Variants in STK3 observed in about 807,000 individuals in gnomAD.
STK3 encodes serine/threonine kinase 3, also known as serine/threonine-protein kinase 3.
STK3 carries 41 observed loss-of-function variants against 58.0 expected under a neutral mutation model. The observed-to-expected ratio is 0.71, with a 90% CI of 0.55 to 0.92. STK3 has a LOEUF of 0.92. Among genes scored for constraint, STK3 ranks in the 40% least tolerant of loss-of-function variants. The pLI, the probability that STK3 is intolerant of heterozygous loss-of-function variation, is 0.00. For missense variants in STK3, 479 were observed against 602.7 expected, an observed-to-expected ratio of 0.79 and a Z score of 2.15; for synonymous variants, 170 against 191.0, an observed-to-expected ratio of 0.89 and a Z score of 0.91.
the STK3 span, among the ~76,000 whole-genome samples, chr8:98,356,189 T>C: frequency 6.6e-6 from 1 of 152,260 alleles, no homozygotes; most frequent in Non-Finnish European, 1.5e-5. Flanking sequence ...ACAGACTTTT[T>C]TTCCTTCCTC....
At chr8:98,488,881 T>A (rs1195036313) in intron 10 of STK3, among the ~76,000 whole-genome samples, 1 of 152,202 alleles carries the variant, frequency 6.6e-6, no homozygotes, top group Non-Finnish European at 1.5e-5. Context: ...TGCAACTACA[T>A]GTAGCCCTAT....
chr8:98,917,723 A>G (rs978675216), intron 1 of STK3, among the ~76,000 whole-genome samples: 1 of 152,192 alleles, frequency 6.6e-6, no homozygotes, highest in Non-Finnish European at 1.5e-5. Context: ...GTATTCTGTT[A>G]TAACAACCCA....
chr8:98,920,584 G>A (rs1165624900), intron 1 of STK3, among the ~76,000 whole-genome samples: 1 of 152,192 alleles, frequency 6.6e-6, no homozygotes, highest in Non-Finnish European at 1.5e-5. Flanking sequence ...TGGACCTGGC[G>A]GAGTCCATTG....
rs77821538 is a variant in STK3, at chr8:98,605,582, C to T, written c.685-9413G>A. 9.5e-3 allele frequency among the ~76,000 whole-genome samples: 1,445 copies of T among 152,164 alleles called. 23 individuals carry two copies. The highest frequency in any genetic ancestry group is 0.032 in the African/African-American group (1,317 of 41,504). On this transcript the variant is annotated intron_variant, in intron 6 of 10. Transcript: ENST00000419617. Reference sequence around the variant, plus strand: ...CTCTTACTTCCTCCCTCTCTGTCTTCGCCCTGCCCCCAGCTATCCGTCTAT... The same window carrying T: ...CTCTTACTTCCTCCCTCTCTGTCTTTGCCCTGCCCCCAGCTATCCGTCTAT...
At chr8:98,660,478 C>T (rs968137652) in intron 6 of STK3, among the ~76,000 whole-genome samples, 1 of 151,880 alleles carries the variant, frequency 6.6e-6, no homozygotes, top group African/African-American at 2.4e-5. Flanking sequence ...GATCTGTGCA[C>T]AATTTTTCTT....
At chr8:98,418,851 C>T (rs1212532241) in intron 3 of STK3, among the ~76,000 whole-genome samples, 1 of 152,178 alleles carries the variant, frequency 6.6e-6, no homozygotes, top group Non-Finnish European at 1.5e-5. Context: ...CTATACCAGC[C>T]AGGCTTTTCC....
At chr8:98,713,777 T>G (rs535646531) in intron 4 of STK3, among the ~76,000 whole-genome samples, 11 of 152,270 alleles carry the variant, frequency 7.2e-5, no homozygotes, top group African/African-American at 1.4e-4. Flanking sequence ...ACTCATTTTA[T>G]GAGGCCAGCA....
intron 10 of STK3, among the ~76,000 whole-genome samples, chr8:98,516,251 GAC>G (rs1341887985): frequency 7.2e-5 from 11 of 151,956 alleles, no homozygotes; most frequent in Non-Finnish European, 2.9e-5. Context: ...AATGACCATA[GAC>G]AAGGAAGAAA....
intron 3 of STK3, among the ~76,000 whole-genome samples, chr8:98,871,287 A>T (rs1397863229): frequency 2.6e-5 from 4 of 152,152 alleles, no homozygotes; most frequent in Admixed American, 2.0e-4. Flanking sequence ...TGATGCCTCC[A>T]GCTTTGTTCT....
At chr8:98,557,045 A>C (rs1811644778) in intron 8 of STK3, among the ~76,000 whole-genome samples, 1 of 152,108 alleles carries the variant, frequency 6.6e-6, no homozygotes, top group Non-Finnish European at 1.5e-5. Context: ...CCATATGATC[A>C]AGGAAATGAA....
At chr8:98,466,445 G>A (rs1820469322) in intron 10 of STK3, among the ~76,000 whole-genome samples, 1 of 152,134 alleles carries the variant, frequency 6.6e-6, no homozygotes, top group Admixed American at 6.6e-5. Flanking sequence ...CTTATTAAAA[G>A]TCCAGACCAA....
intron 1 of STK3, among the ~76,000 whole-genome samples, chr8:98,799,842 T>C (rs1293651176): frequency 6.6e-6 from 1 of 152,226 alleles, no homozygotes; most frequent in Admixed American, 6.5e-5. Flanking sequence ...TAATGAAATC[T>C]ATCCTTACTC....
chr8:98,660,539 T>C (rs1213691176), intron 6 of STK3, among the ~76,000 whole-genome samples: 1 of 152,060 alleles, frequency 6.6e-6, no homozygotes, highest in Non-Finnish European at 1.5e-5. Flanking sequence ...TGTTATGTGT[T>C]ACAACTTTAG....
intron 3 of STK3, chr8:98,430,178 C>T (rs1487207955): frequency 6.0e-6 from 1 of 167,036 alleles, no homozygotes; most frequent in East Asian, 1.9e-4. Flanking sequence ...CTAAATAGTC[C>T]AAACCCTAGG....
In STK3 at chr8:98,861,274, AG is replaced by A. The variant is rs2131851857; in HGVS notation, c.110+22372del. ...AAACCTCTCAGGACTCACTCTGGGG[AG>A]GTGAAACACTTTACATGTCATTAAC... On this transcript the variant is annotated intron_variant, in intron 3 of 12. Coordinates refer to the STK3 transcript ENST00000523601. Among the ~76,000 whole-genome samples, 3 of 147,890 alleles carry A rather than the reference AG, an allele frequency of 2.0e-5. 1 individual carries two copies. The East Asian group carries it at 6.1e-4, about 30-fold the overall frequency.
chr8:98,405,840 A>G (rs1817987990), intron 3 of STK3, among the ~76,000 whole-genome samples: 1 of 152,184 alleles, frequency 6.6e-6, no homozygotes, highest in South Asian at 2.1e-4. Context: ...TGCTCTTTTT[A>G]AAACCATCAG....
At chr8:98,639,825 T>C (rs1471915404) in intron 6 of STK3, among the ~76,000 whole-genome samples, 1 of 152,050 alleles carries the variant, frequency 6.6e-6, no homozygotes, top group African/African-American at 2.4e-5. Flanking sequence ...ATATTTTGGT[T>C]CCTGGCCAGG....
chr8:98,845,361 A>G (rs1021072588), intron 3 of STK3, among the ~76,000 whole-genome samples: 2 of 152,228 alleles, frequency 1.3e-5, no homozygotes, highest in South Asian at 4.1e-4. Context: ...GAGTCTCTCA[A>G]TGTAATAGAG....
Position 98,434,684 on chromosome 8 carries a change from G to T in STK3, n.292-366C>A, listed in dbSNP as rs7819844. 3.9e-5 allele frequency among the ~76,000 whole-genome samples: 6 copies of T among 152,022 alleles called. No individual in the cohort carries two copies. In the East Asian group the frequency reaches 5.8e-4, roughly 15 times the overall value. On this transcript the variant is annotated intron_variant and non_coding_transcript_variant, in intron 2 of 3. Transcript: ENST00000517832. The stretch of plus-strand genomic sequence containing the variant: ...AAACAAGGCCTCAGAGACCCGTGGA[G>T]GGGAAACAGAGGGAGGGGAAAGAGA...
Sources: gnomAD v4.1 joint callset for allele counts (sites outside exome capture counted in the v4.1 genomes callset) on GRCh38, gnomAD v4.1.1 for gene constraint, MANE v1.5 for transcripts, NCBI Gene and HGNC (gene_info 2026-07-23, HGNC 2026-07-21) for gene names.